Variants in EYS observed in about 807,000 individuals in gnomAD.
EYS encodes protein eyes shut homolog.
In EYS, 250 loss-of-function variants were observed where a neutral mutation model predicts 282.1. The observed-to-expected ratio is 0.89, with a 90% CI of 0.80 to 0.98. The LOEUF is 0.98. EYS is among the 50% of genes least tolerant of loss of function. The pLI, the probability that EYS is intolerant of heterozygous loss-of-function variation, is 0.00. For synonymous variants in EYS, 1,355 were observed against 1,282.9 expected (o/e 1.06, Z -1.20); for missense variants, 4,016 against 3,709.0 (o/e 1.08, Z -2.15).
intron 2 of EYS, among the ~76,000 whole-genome samples, chr6:65,513,558 C>G (rs558926670): frequency 1.3e-5 from 2 of 152,076 alleles, no homozygotes; most frequent in African/African-American, 4.8e-5. Context: ...ACTGGCAAAC[C>G]AAATCCAGCA....
rs1432913424 is a variant in EYS, at chr6:63,972,229, T to C, written c.7055+12154A>G. Among the ~76,000 whole-genome samples the C allele has an allele frequency of 2.0e-5, 3 of 152,338 alleles. No individual in the cohort carries two copies. The East Asian group carries it at 5.8e-4, about 29-fold the overall frequency. On this transcript the variant is annotated intron_variant, in intron 35 of 42. Coordinates refer to ENST00000503581, the MANE Select transcript of EYS (RefSeq NM_001142800.2). ...ACTCCAAGAGGGAGAAAGGAACATG[T>C]GACATTTTATGAATTTGTCTTAGAG...
At chr6:64,710,526 C>T (rs1422981878) in intron 22 of EYS, among the ~76,000 whole-genome samples, 3 of 152,186 alleles carry the variant, frequency 2.0e-5, no homozygotes, top group Non-Finnish European at 2.9e-5. Context: ...GCCCTTGAGC[C>T]GCTTGCTCTG....
chr6:64,557,070 T>C (rs1202810904), intron 26 of EYS, among the ~76,000 whole-genome samples: 1 of 151,906 alleles, frequency 6.6e-6, no homozygotes, highest in East Asian at 1.9e-4. Context: ...CCTTTTTAAG[T>C]ACATAAAACA....
At chr6:65,521,347 GT>G (rs920337858) in intron 2 of EYS, among the ~76,000 whole-genome samples, 16 of 152,174 alleles carry the variant, frequency 1.1e-4, no homozygotes, top group African/African-American at 3.9e-4. Context: ...ACTGAACACA[GT>G]TTCCCCATCA....
chr6:64,902,480 C>T lies in EYS; in HGVS notation c.2662G>A (p.Glu888Lys), dbSNP rs1345091519. The T allele has an allele frequency of 1.3e-6, 2 of 1,535,956 alleles. No individual in the cohort carries two copies. The highest frequency in any genetic ancestry group is 4.9e-5 in the East Asian group (2 of 40,702). The change falls in exon 17 of 43, where the codon GAA becomes AAA. Residue 888 changes from glutamate to lysine, a missense_variant. By Grantham distance (56) the Glu-to-Lys change is moderately conservative (BLOSUM62 1). Transcript: ENST00000503581. ...AAGAGGCAGTCTTTCACATCAATTT[C>T]ACAGTTTTTACCTTCAAATTCTGCA... ...CREEFEGKNC[E>K]IDVKDCLFLS...
intron 31 of EYS, among the ~76,000 whole-genome samples, chr6:64,174,649 GTAAAGATA>G (rs1244147697): frequency 6.6e-6 from 1 of 151,640 alleles, no homozygotes; most frequent in Admixed American, 6.6e-5. Context: ...CAACATAAAT[GTAAAGATA>G]TTGAAGATAA....
chr6:64,663,878 G>T (rs1230737973), intron 22 of EYS, among the ~76,000 whole-genome samples: 1 of 152,104 alleles, frequency 6.6e-6, no homozygotes, highest in Admixed American at 6.6e-5. Context: ...TAGAAGCCCT[G>T]GGTCACGGAA....
chr6:63,987,476 A>C (rs1348035645), intron 34 of EYS, among the ~76,000 whole-genome samples: 1 of 151,726 alleles, frequency 6.6e-6, no homozygotes, highest in African/African-American at 2.4e-5. Context: ...CACCCTCAGC[A>C]ACATATATAA....
intron 41 of EYS, among the ~76,000 whole-genome samples, chr6:63,736,376 TG>T (rs1768913311): frequency 6.6e-6 from 1 of 152,176 alleles, no homozygotes; most frequent in South Asian, 2.1e-4. Flanking sequence ...TTCTCAGGTT[TG>T]TCAAAGATCA....
chr6:64,933,951 A>G (rs1020119154), intron 15 of EYS, among the ~76,000 whole-genome samples: 5 of 151,964 alleles, frequency 3.3e-5, no homozygotes, highest in Admixed American at 1.3e-4. Flanking sequence ...AGGGAGGGGA[A>G]CATCACACAC....
chr6:64,749,212 A>G (rs16895762), intron 22 of EYS, among the ~76,000 whole-genome samples: 5,720 of 152,306 alleles, frequency 0.038, 249 homozygotes, highest in East Asian at 0.14. Context: ...TCAAAATGAA[A>G]ATGAGATATA....
chr6:65,500,091 C>A (rs1393171078), intron 2 of EYS, among the ~76,000 whole-genome samples: 1 of 152,012 alleles, frequency 6.6e-6, no homozygotes, highest in Non-Finnish European at 1.5e-5. Flanking sequence ...AATCAATAAG[C>A]AGTGGTGCAT....
intron 12 of EYS, among the ~76,000 whole-genome samples, chr6:65,149,251 C>T (rs1764554309): frequency 6.6e-6 from 1 of 152,008 alleles, no homozygotes; most frequent in Non-Finnish European, 1.5e-5. Flanking sequence ...AGCACTTTGC[C>T]ACTTAGAAAT....
At chr6:64,105,600 TC>T (rs1772983265) in intron 31 of EYS, among the ~76,000 whole-genome samples, 1 of 152,118 alleles carries the variant, frequency 6.6e-6, no homozygotes. Flanking sequence ...CATCCTTCCC[TC>T]CCTCTCATCC....
chr6:64,296,547 T>TAC (rs1768997954), intron 30 of EYS, among the ~76,000 whole-genome samples: 1 of 4,358 alleles, frequency 2.3e-4, no homozygotes, highest in Non-Finnish European at 4.4e-4. Context: ...GCAGAATATA[T>TAC]ATATATATAT....
At chr6:65,512,768 T>A (rs376211199) in intron 2 of EYS, among the ~76,000 whole-genome samples, 2 of 151,752 alleles carry the variant, frequency 1.3e-5, no homozygotes, top group East Asian at 1.9e-4. Context: ...CATACCAGAA[T>A]CTCTGGGACA....
At chr6:64,521,593 T>A (rs1467366224) in intron 26 of EYS, among the ~76,000 whole-genome samples, 2 of 151,702 alleles carry the variant, frequency 1.3e-5, no homozygotes, top group Non-Finnish European at 3.0e-5. Context: ...CACAAGTGCC[T>A]CATTGACAGA....
intron 37 of EYS, among the ~76,000 whole-genome samples, chr6:63,789,767 C>G (rs1347167932): frequency 6.6e-6 from 1 of 152,238 alleles, no homozygotes; most frequent in African/African-American, 2.4e-5. Flanking sequence ...TCCCTCTTCT[C>G]TCTCTCCTTC....
At chr6:65,511,980 G>A (rs1203616705) in intron 2 of EYS, among the ~76,000 whole-genome samples, 2 of 64,968 alleles carry the variant, frequency 3.1e-5, no homozygotes, top group Non-Finnish European at 5.2e-5. Flanking sequence ...GCAAAACTCT[G>A]TCTCAAAAAA....
Sources: gnomAD v4.1 joint callset for allele counts (sites outside exome capture counted in the v4.1 genomes callset) on GRCh38, gnomAD v4.1.1 for gene constraint, MANE v1.5 for transcripts, NCBI Gene and HGNC (gene_info 2026-07-23, HGNC 2026-07-21) for gene names.